Variants in GPATCH1 observed in about 807,000 individuals in gnomAD.
GPATCH1 encodes the protein G-patch domain containing 1, also known as G patch domain-containing protein 1.
In GPATCH1, 73 loss-of-function variants were observed where a neutral mutation model predicts 114.9. That is an observed-to-expected ratio of 0.64 (90% CI 0.53 to 0.77). The LOEUF (loss-of-function observed/expected upper bound fraction) is 0.77. GPATCH1 is among the 30% of genes least tolerant of loss of function. The pLI is 0.00. For synonymous variants in GPATCH1, 391 were observed against 428.4 expected (o/e 0.91, Z 1.08); for missense variants, 1,058 against 1,144.3 (o/e 0.92, Z 1.09).
At chr19:33,118,956 C>G (rs1972945832) in intron 16 of GPATCH1, 54 bp from the exon 17 acceptor site, 1 of 1,052,368 alleles carries the variant, frequency 9.5e-7, no homozygotes, top group Non-Finnish European at 1.4e-6. Context: ...ATGAAAGACT[C>G]AGAGACATTA....
chr19:33,090,760 C>G lies in GPATCH1; in HGVS notation c.209-20C>G. On this transcript the variant is annotated intron_variant, in intron 2 of 19. Transcript: ENST00000170564. ...AAATACTCTCTAGGATTGTAAAGTT[C>G]TAAACTCTTTTTTTTTCAGGATGGA... 1 of 1,548,774 alleles carries G rather than the reference C, an allele frequency of 6.5e-7. No individual in the cohort carries two copies. The highest frequency in any genetic ancestry group is 1.1e-5 in the South Asian group (1 of 89,642).
chr19:33,107,864 A>G (rs1473546322), intron 10 of GPATCH1, among the ~76,000 whole-genome samples: 1 of 147,528 alleles, frequency 6.8e-6, no homozygotes, highest in African/African-American at 2.5e-5. Context: ...ATTTTTTTTT[A>G]TTATACTTTA....
chr19:33,114,219 A>C lies in GPATCH1; in HGVS notation c.2030-34A>C, dbSNP rs781703943. ...TGAAGAACTGGCCTTTTCCTTGCTA[A>C]TGCTGGAGTTTATATCTATGTCCTG... is the stretch of plus-strand genomic sequence containing the variant. On this transcript the variant is annotated intron_variant, in intron 14 of 19. Coordinates refer to ENST00000170564, the MANE Select transcript of GPATCH1 (RefSeq NM_018025.3). 4.5e-6 allele frequency: 7 copies of C among 1,570,154 alleles called. No homozygotes were observed. The East Asian group carries it at 6.7e-5, about 15-fold the overall frequency.
In GPATCH1 at chr19:33,094,237, G is replaced by T; in HGVS notation, c.521G>T (p.Arg174Leu). 1.2e-6 allele frequency: 2 copies of T among 1,607,308 alleles called. No homozygotes were observed. Among genetic ancestry groups the T allele is most frequent in the Non-Finnish European group, 1.7e-6 (2 of 1,173,778 alleles). Residue 174 changes from arginine (R) to leucine (L), a missense_variant, in exon 5 of 20, where the codon CGA becomes CTA. Physicochemically the swap from Arg to Leu is moderately radical, Grantham distance 102. Around this residue, in one of 3 missense-constraint regions of GPATCH1, gnomAD observed 893 missense variants for 977.4 expected, o/e 0.91. Transcript: ENST00000170564. Reference sequence around the variant, plus strand: ...AAAGAAGGACAAGGAGTTGGTCCTCGAGTAAAGAGACGGCCACGCCGACAG... The same window carrying T: ...AAAGAAGGACAAGGAGTTGGTCCTCTAGTAAAGAGACGGCCACGCCGACAG... ...GWKEGQGVGP[R>L]VKRRPRRQKP... is the part of the protein sequence containing the mutation.
At position 33,081,291 on chromosome 19, in the gene GPATCH1, G is replaced by A. The variant is rs1296621476; in HGVS notation, c.73+25G>A. On this transcript the variant is annotated intron_variant, in intron 1 of 19. Transcript: ENST00000170564. ...GGTGCGGGCCGCGTGGGCCGGCGGA[G>A]CCTGTGGAAAACAGGCCAAGGGCCC... The A allele has an allele frequency of 1.2e-5, 18 of 1,544,802 alleles. No individual in the cohort carries two copies. In the Admixed American group the frequency reaches 3.5e-4, roughly 30 times the overall value.
intron 1 of GPATCH1, among the ~76,000 whole-genome samples, chr19:33,082,562 G>A (rs888128525): frequency 6.6e-6 from 1 of 152,122 alleles, no homozygotes. Flanking sequence ...TTGAGAAAGG[G>A]GCCAGGCACA....
rs1004182065 is a variant in GPATCH1, at chr19:33,126,673, G to C, written c.2705G>C (p.Ser902Thr). The change falls in exon 19 of 20, where the codon AGC (serine) becomes ACC (threonine). Residue 902 changes from serine (S) to threonine (T), a missense_variant. Physicochemically the swap from Ser to Thr is moderately conservative, Grantham distance 58. Coordinates refer to ENST00000170564, the MANE Select transcript of GPATCH1 (RefSeq NM_018025.3). ...EKSSSSESSD[S>T]SDSQSDEETA... ...AGTAGTAGCTCCGAGAGTTCCGACA[G>C]CAGCGACAGCCAGAGTGACGAGGAA... is the stretch of plus-strand genomic sequence containing the variant. The C allele has an allele frequency of 4.3e-6, 7 of 1,613,986 alleles. No homozygotes were observed. The highest frequency in any genetic ancestry group is 3.3e-4 in the Middle Eastern group (2 of 6,084).
intron 13 of GPATCH1, chr19:33,112,839 T>C: frequency 2.6e-6 from 1 of 387,248 alleles, no homozygotes; most frequent in Non-Finnish European, 4.6e-6. Flanking sequence ...ATTGAAGCTA[T>C]GAAACTCAGA....
intron 6 of GPATCH1, 57 bp downstream of exon 6, chr19:33,095,877 A>C (rs1467576573): frequency 7.9e-7 from 1 of 1,261,064 alleles, no homozygotes; most frequent in Non-Finnish European, 1.2e-6. Flanking sequence ...TTTCTGTATG[A>C]CTGTGAAATT....
At chr19:33,120,742 C>T (rs554230355) in intron 17 of GPATCH1, among the ~76,000 whole-genome samples, 31 of 151,856 alleles carry the variant, frequency 2.0e-4, no homozygotes, top group African/African-American at 7.5e-4. Context: ...GTCATCCCAG[C>T]GCTTTGGGAG....
At chr19:33,102,927 C>T (rs1339938970) in intron 9 of GPATCH1, among the ~76,000 whole-genome samples, 2 of 152,150 alleles carry the variant, frequency 1.3e-5, no homozygotes, top group African/African-American at 4.8e-5. Flanking sequence ...GGAGAGAAGC[C>T]GTGTGCAGGT....
chr19:33,121,213 T>C lies in GPATCH1; in HGVS notation c.2521+2096T>C, dbSNP rs546725258. ...ATAGCTCACTGCATGACTTCTGGGC[T>C]GAAGTGATCCACCCACTTCAACCTC... On this transcript the variant is annotated intron_variant, in intron 17 of 19. Coordinates refer to ENST00000170564, the MANE Select transcript of GPATCH1 (RefSeq NM_018025.3). Among the ~76,000 whole-genome samples the C allele has an allele frequency of 4.1e-4, 63 of 151,842 alleles. 1 individual carries two copies. In the South Asian group the frequency reaches 0.012, roughly 30 times the overall value.
intron 17 of GPATCH1, among the ~76,000 whole-genome samples, chr19:33,121,143 C>T (rs1303137264): frequency 4.0e-5 from 6 of 151,210 alleles, no homozygotes; most frequent in Non-Finnish European, 7.4e-5. Context: ...ATTTTTCAGA[C>T]AGGGTCTCAC....
chr19:33,111,732 G>C lies in GPATCH1; in HGVS notation c.1594G>C (p.Glu532Gln). 6.2e-7 allele frequency: 1 copy of C among 1,613,824 alleles called. No individual in the cohort carries two copies. Among genetic ancestry groups the C allele is most frequent in the Non-Finnish European group, 8.5e-7 (1 of 1,179,968 alleles). Residue 532 changes from glutamate (E) to glutamine (Q), a missense_variant, in exon 12 of 20, where the codon GAA becomes CAA. Around this residue, in one of 3 missense-constraint regions of GPATCH1, gnomAD observed 893 missense variants for 977.4 expected, o/e 0.91. Coordinates refer to ENST00000170564, the MANE Select transcript of GPATCH1 (RefSeq NM_018025.3). ...GTTCTCTGCCCCCGCAGATGCTCTG[G>C]AACGCTGTCTGGACCCCAGCATGAC... ...HMKQGQKDAL[E>Q]RCLDPSMTEW...
chr19:33,091,724 C>T (rs1972598391), intron 3 of GPATCH1, among the ~76,000 whole-genome samples: 1 of 152,026 alleles, frequency 6.6e-6, no homozygotes, highest in South Asian at 2.1e-4. Flanking sequence ...CAAACCTGCA[C>T]ATCCTGCACA....
At position 33,114,309 on chromosome 19, in the gene GPATCH1, A is replaced by G; in HGVS notation, c.2086A>G (p.Ile696Val). 1 of 1,613,478 alleles carries G rather than the reference A, an allele frequency of 6.2e-7. No individual in the cohort carries two copies. The change falls in exon 15 of 20, where the codon ATT (isoleucine) becomes GTT (valine). Residue 696 changes from isoleucine (I) to valine (V), a missense_variant. Ile to Val is a conservative substitution (Grantham distance 29). Coordinates refer to ENST00000170564, the MANE Select transcript of GPATCH1 (RefSeq NM_018025.3). Reference protein sequence around the residue: ...TSKHEKKEDSISEFLSLARSK... With the variant: ...TSKHEKKEDSVSEFLSLARSK... ...TAAACACGAAAAGAAAGAAGATTCC[A>G]TTAGTGAATTTTTAAGTTTGGCTAG...
In GPATCH1 at chr19:33,091,150, G is replaced by A. The variant is rs184575397; in HGVS notation, c.294+285G>A. On this transcript the variant is annotated intron_variant, in intron 3 of 19. Transcript: ENST00000170564. ...CTCGTGGCTGGGTGCGGTGGCTCAC[G>A]CCTGTAATCCCAGCACTTTGGGAGG... Among the ~76,000 whole-genome samples the A allele has an allele frequency of 3.9e-5, 6 of 152,162 alleles. No individual in the cohort carries two copies. The East Asian group carries it at 9.6e-4, about 24-fold the overall frequency.
intron 5 of GPATCH1, among the ~76,000 whole-genome samples, chr19:33,094,725 TC>T (rs1972636169): frequency 6.6e-6 from 1 of 152,174 alleles, no homozygotes; most frequent in Non-Finnish European, 1.5e-5. Context: ...TATTACTTGT[TC>T]CTTATTTCTT....
At chr19:33,099,855 A>G (rs139362155) in intron 8 of GPATCH1, among the ~76,000 whole-genome samples, 274 of 142,782 alleles carry the variant, frequency 1.9e-3, no homozygotes, top group African/African-American at 6.8e-3. Context: ...ACCACAGCCT[A>G]TGCCTCCCGG....
Sources: allele counts gnomAD v4.1 joint callset (sites outside exome capture counted in the v4.1 genomes callset), GRCh38; gene constraint gnomAD v4.1.1; regional missense constraint gnomAD v4.1.1; transcripts MANE v1.5; gene names NCBI Gene and HGNC (gene_info 2026-07-23, HGNC 2026-07-21).